Variants in ALPK2 observed in about 807,000 individuals in gnomAD.
The protein encoded by ALPK2 is alpha kinase 2.
ALPK2 carries 127 observed loss-of-function variants against 163.1 expected under a neutral mutation model. That is an observed-to-expected ratio of 0.78 (90% CI 0.67 to 0.90). The LOEUF is 0.90. Among genes scored for constraint, ALPK2 ranks in the 40% least tolerant of loss-of-function variants. ALPK2 has a pLI of 0.00. For missense variants in ALPK2, 2,360 were observed against 2,589.6 expected (o/e 0.91, Z 1.92); for synonymous variants, 953 against 959.1 (o/e 0.99, Z 0.12).
chr18:58,481,722 C>T lies in ALPK2; in HGVS notation c.*101G>A, dbSNP rs546323829. The T allele has an allele frequency of 2.3e-5, 22 of 936,456 alleles. No homozygotes were observed. In the South Asian group the frequency reaches 3.0e-4, roughly 13 times the overall value. 58.0% of individuals were successfully genotyped at this position (936,456 alleles called of 1,614,324 possible). ...AGTCGGCTGGGAGTAAGGATTGCCA[C>T]GCACTCTCTGCAGGCTGTATATTCT... On this transcript the variant is annotated 3_prime_UTR_variant, in exon 13 of 13. Transcript: ENST00000361673.
chr18:58,573,993 C>T (rs752584352), intron 4 of ALPK2, among the ~76,000 whole-genome samples: 2 of 152,084 alleles, frequency 1.3e-5, no homozygotes, highest in Non-Finnish European at 2.9e-5. Flanking sequence ...CTTTGCCTCT[C>T]AGAGATAGAC....
At chr18:58,542,031 G>A (rs1171871213) in intron 4 of ALPK2, among the ~76,000 whole-genome samples, 1 of 152,218 alleles carries the variant, frequency 6.6e-6, no homozygotes, top group Admixed American at 6.5e-5. Context: ...CTTCGAGTGA[G>A]TGCTGACACA....
chr18:58,600,520 C>G (rs952175290), intron 3 of ALPK2: 3 of 152,210 alleles, frequency 2.0e-5, no homozygotes, highest in Non-Finnish European at 4.4e-5. Flanking sequence ...AGCTCTCAAA[C>G]CAGAGTATCT....
chr18:58,590,540 C>G (rs141755995), intron 3 of ALPK2, among the ~76,000 whole-genome samples: 1 of 152,268 alleles, frequency 6.6e-6, no homozygotes, highest in East Asian at 1.9e-4. Context: ...GCCATAGCAC[C>G]AGGTGAAAGT....
rs750862213 is a variant in ALPK2, at chr18:58,579,480, AAT to A, written c.1294_1295del (p.Ile432PhefsTer18). The A allele has an allele frequency of 3.1e-6, 5 of 1,613,908 alleles. No homozygotes were observed. The highest frequency in any genetic ancestry group is 4.2e-6 in the Non-Finnish European group (5 of 1,179,968). On this transcript the variant is annotated frameshift_variant, in exon 4 of 13. Transcript: ENST00000361673. LOFTEE classifies it high-confidence loss of function. ...PSSPQTGMTL[I>X]LGPHQDGTSS... ...ACGTTCCATCCTGGTGAGGTCCCAA[AAT>A]GAGAGTCATCCCTGTTTGTGGGGAT...
intron 3 of ALPK2, 49 bp downstream of exon 3, chr18:58,607,272 AC>A: frequency 7.4e-7 from 1 of 1,349,856 alleles, no homozygotes. Flanking sequence ...TCAGCACATG[AC>A]AGAATATAAG....
chr18:58,494,435 A>G (rs936862505), intron 12 of ALPK2, among the ~76,000 whole-genome samples: 2 of 152,210 alleles, frequency 1.3e-5, no homozygotes, highest in African/African-American at 4.8e-5. Flanking sequence ...TCTCTATTTT[A>G]TTTTATGAGA....
intron 1 of ALPK2, among the ~76,000 whole-genome samples, chr18:58,620,387 C>T (rs376689026): frequency 4.1e-4 from 63 of 152,222 alleles, no homozygotes; most frequent in Middle Eastern, 3.4e-3. Flanking sequence ...AGAAGCCATA[C>T]GCAAGAGACC....
At chr18:58,628,124 G>A (rs1387820709) in intron 1 of ALPK2, among the ~76,000 whole-genome samples, 1 of 151,880 alleles carries the variant, frequency 6.6e-6, no homozygotes, top group East Asian at 1.9e-4. Context: ...TTTAATTGAT[G>A]GATTTTTTTT....
intron 4 of ALPK2, 67 bp downstream of exon 4, chr18:58,578,747 C>CACACACACACAA: frequency 7.6e-7 from 1 of 1,322,984 alleles, no homozygotes; most frequent in African/African-American, 1.5e-5. Flanking sequence ...CACACACACA[C>CACACACACACAA]ACACACACAC....
intron 10 of ALPK2, among the ~76,000 whole-genome samples, chr18:58,506,689 T>C (rs963221085): frequency 6.6e-6 from 1 of 152,150 alleles, no homozygotes; most frequent in Admixed American, 6.5e-5. Flanking sequence ...TGGCTCAAAA[T>C]AAGTGTTTGG....
chr18:58,599,538 C>A (rs1435521277), intron 3 of ALPK2, among the ~76,000 whole-genome samples: 1 of 152,204 alleles, frequency 6.6e-6, no homozygotes, highest in East Asian at 1.9e-4. Flanking sequence ...CAAGACATAG[C>A]AAGATTCAGT....
intron 1 of ALPK2, among the ~76,000 whole-genome samples, chr18:58,618,468 C>T (rs1415855329): frequency 2.0e-5 from 3 of 152,136 alleles, no homozygotes; most frequent in Admixed American, 2.0e-4. Flanking sequence ...CTCAGCTGTG[C>T]CACTCAGTAG....
chr18:58,522,954 G>C (rs2051563232), intron 8 of ALPK2, among the ~76,000 whole-genome samples: 1 of 147,492 alleles, frequency 6.8e-6, no homozygotes, highest in Admixed American at 6.7e-5. Context: ...GGGTACATGT[G>C]CCCAATGTGC....
At chr18:58,595,730 A>G (rs1290524599) in intron 3 of ALPK2, among the ~76,000 whole-genome samples, 2 of 152,180 alleles carry the variant, frequency 1.3e-5, no homozygotes, top group African/African-American at 2.4e-5. Flanking sequence ...GAGGTAATGT[A>G]TAGCCAGGAG....
chr18:58,499,758 A>G (rs957559089), intron 11 of ALPK2, among the ~76,000 whole-genome samples: 1 of 152,188 alleles, frequency 6.6e-6, no homozygotes, highest in Non-Finnish European at 1.5e-5. Context: ...CCGGGCTGTG[A>G]GCACTGGCAT....
chr18:58,536,444 A>G lies in ALPK2; in HGVS notation c.3743T>C (p.Ile1248Thr). The G allele has an allele frequency of 6.2e-7, 1 of 1,614,122 alleles. No homozygotes were observed. The highest frequency in any genetic ancestry group is 1.1e-5 in the South Asian group (1 of 91,074). Residue 1248 changes from isoleucine to threonine, a missense_variant, in exon 5 of 13, where the codon ATC becomes ACC. Transcript: ENST00000361673. Reference sequence around the variant, plus strand: ...ATTTGTCAGTTGTCGTGGTGGCCAGATTTCAGAAGCGGAAGCCTCTAGAGT... The same window carrying G: ...ATTTGTCAGTTGTCGTGGTGGCCAGGTTTCAGAAGCGGAAGCCTCTAGAGT... ...IITLEASASE[I>T]WPPRQLTNSE...
chr18:58,528,873 A>G, intron 6 of ALPK2: 1 of 559,018 alleles, frequency 1.8e-6, no homozygotes, highest in Non-Finnish European at 3.1e-6. Flanking sequence ...AAACCCCAGA[A>G]CTCAATTCTG....
intron 3 of ALPK2, among the ~76,000 whole-genome samples, chr18:58,599,115 C>T (rs567829304): frequency 7.9e-5 from 12 of 152,272 alleles, no homozygotes; most frequent in East Asian, 1.9e-4. Context: ...ACCCAAGTCC[C>T]GTCCCCAGGA....
Sources: allele counts gnomAD v4.1 joint callset (sites outside exome capture counted in the v4.1 genomes callset), GRCh38; gene constraint gnomAD v4.1.1; transcripts MANE v1.5; gene names NCBI Gene and HGNC (gene_info 2026-07-23, HGNC 2026-07-21).